UNC13B: variants seen among roughly 807,000 people sequenced by gnomAD.
The protein encoded by UNC13B is unc-13 homolog B.
In UNC13B, 144 loss-of-function variants were observed where a neutral mutation model predicts 211.0. The ratio of observed to expected loss-of-function variants is 0.68; its 90% CI spans 0.60 to 0.78. UNC13B has a LOEUF of 0.78. Ranked by LOEUF, UNC13B falls within the 30% of genes least tolerant of loss-of-function variation. The pLI is 0.00. For missense variants in UNC13B, 1,777 were observed against 2,002.0 expected (o/e 0.89, Z 2.14); for synonymous variants, 709 against 725.8 (o/e 0.98, Z 0.37).
At position 35,363,007 on chromosome 9, in the gene UNC13B, T is replaced by C. The variant is rs1164441508; in HGVS notation, c.9415-3940T>C. Among the ~76,000 whole-genome samples the C allele has an allele frequency of 4.6e-5, 7 of 152,114 alleles. No homozygotes were observed. In the East Asian group the frequency reaches 1.4e-3, roughly 29 times the overall value. On this transcript the variant is annotated intron_variant, in intron 11 of 39. Transcript: ENST00000635942. Reference sequence around the variant, plus strand: ...CCTTGGAGGAAGAGTTGGATTTTCCTCTATGGAAAGGAGGTGTGAGATGCT... The same window carrying C: ...CCTTGGAGGAAGAGTTGGATTTTCCCCTATGGAAAGGAGGTGTGAGATGCT...
chr9:35,250,424 T>C (rs141513689), intron 6 of UNC13B, among the ~76,000 whole-genome samples: 2 of 152,348 alleles, frequency 1.3e-5, no homozygotes, highest in East Asian at 3.9e-4. Context: ...TTATATAACA[T>C]GTGGTCCTTT....
Position 35,295,912 on chromosome 9 carries a change from C to G in UNC13B, c.743C>G (p.Pro248Arg). ...DSMQSYDLDYPERRAIRYAQK... is the reference protein window; with the variant it reads ...DSMQSYDLDYRERRAIRYAQK... ...ATGCAAAGTTATGACCTTGATTATC[C>G]AGAGCGGCGGGCTATCAGGTGGGTA... is the stretch of plus-strand genomic sequence containing the variant. Residue 248 changes from proline (P) to arginine (R), a missense_variant, in exon 8 of 40, where the codon CCA becomes CGA. Physicochemically the swap from Pro to Arg is moderately radical, Grantham distance 103. Coordinates refer to ENST00000635942, the MANE Select transcript of UNC13B (RefSeq NM_001371189.2). 1 of 1,611,230 alleles carries G rather than the reference C, an allele frequency of 6.2e-7. No individual in the cohort carries two copies. The highest frequency in any genetic ancestry group is 1.1e-5 in the South Asian group (1 of 90,548).
intron 2 of UNC13B, among the ~76,000 whole-genome samples, chr9:35,230,470 C>CAAAAAAAAAAAAAA: frequency 2.0e-5 from 1 of 50,330 alleles, no homozygotes. Context: ...GACTCTGTCT[C>CAAAAAAAAAAAAAA]AAAAAAAAAA....
rs1196414976 is a variant in UNC13B at position 35,243,331 on chromosome 9, G to A, written c.435G>A (p.Trp145Ter). 1.2e-6 allele frequency: 2 copies of A among 1,613,450 alleles called. No homozygotes were observed. Among genetic ancestry groups the A allele is most frequent in the Non-Finnish European group, 1.7e-6 (2 of 1,179,588 alleles). Residue 145 changes from tryptophan to a stop codon, truncating the protein, a stop_gained, in exon 6 of 40, where the codon TGG becomes TGA. Transcript: ENST00000635942. LOFTEE classifies it high-confidence loss of function. ...AAGCCAGATATTGGACCTACAAATG[G>A]GAGCAAATCAATGCCTTGGGAGCTG... ...EEEARYWTYK[W>*]EQINALGADN...
chr9:35,245,200 A>G (rs1234064436), intron 6 of UNC13B, among the ~76,000 whole-genome samples: 1 of 152,194 alleles, frequency 6.6e-6, no homozygotes, highest in Non-Finnish European at 1.5e-5. Context: ...CTGTGTCATT[A>G]TACAGAATCA....
At chr9:35,180,433 G>A (rs1233868144) in intron 1 of UNC13B, among the ~76,000 whole-genome samples, 1 of 151,858 alleles carries the variant, frequency 6.6e-6, no homozygotes, top group African/African-American at 2.4e-5. Flanking sequence ...TGCAAGTTTA[G>A]TTTTGCTTAT....
rs542569719 is a variant in UNC13B at position 35,183,929 on chromosome 9, G to A, written c.22+21624G>A. The stretch of plus-strand genomic sequence containing the variant: ...CTCCTCGCCTCCAAGACGGGGTGGC[G>A]GCAGGGCATAGGTGCTCCTCACCAC... On this transcript the variant is annotated intron_variant, in intron 1 of 39. Coordinates refer to ENST00000635942, the MANE Select transcript of UNC13B (RefSeq NM_001371189.2). 3.5e-5 allele frequency among the ~76,000 whole-genome samples: 5 copies of A among 144,898 alleles called. No homozygotes were observed. In the East Asian group the frequency reaches 6.4e-4, roughly 18 times the overall value.
intron 11 of UNC13B, among the ~76,000 whole-genome samples, chr9:35,356,498 C>T (rs2132094153): frequency 6.6e-6 from 1 of 152,100 alleles, no homozygotes; most frequent in East Asian, 1.9e-4. Flanking sequence ...ATTAGATGTC[C>T]ACCATATTGC....
chr9:35,193,657 C>CAAAAAAAAAAAA, intron 1 of UNC13B, among the ~76,000 whole-genome samples: 1 of 56,184 alleles, frequency 1.8e-5, no homozygotes, highest in Non-Finnish European at 4.1e-5. Context: ...GACTCCGTCT[C>CAAAAAAAAAAAA]AAAAAAAAAA....
At chr9:35,370,813 A>C (rs1327010250) in intron 13 of UNC13B, among the ~76,000 whole-genome samples, 7 of 152,216 alleles carry the variant, frequency 4.6e-5, no homozygotes, top group Admixed American at 4.6e-4. Flanking sequence ...GTCAAGCAAA[A>C]GTCTCTTCTC....
chr9:35,244,398 A>G (rs1323371807), intron 6 of UNC13B, among the ~76,000 whole-genome samples: 5 of 152,142 alleles, frequency 3.3e-5, no homozygotes, highest in African/African-American at 4.8e-5. Context: ...TTTGTTTCCT[A>G]CAGCTGCCAT....
intron 1 of UNC13B, among the ~76,000 whole-genome samples, chr9:35,173,060 C>T (rs1338518695): frequency 2.0e-5 from 3 of 152,218 alleles, no homozygotes; most frequent in African/African-American, 7.2e-5. Flanking sequence ...ATTTCTATAG[C>T]GTTTCATTGT....
chr9:35,328,659 CCTT>C (rs1564139541), intron 11 of UNC13B, among the ~76,000 whole-genome samples: 16 of 106,590 alleles, frequency 1.5e-4, no homozygotes, highest in African/African-American at 4.6e-4. Context: ...TTCCTTCCTT[CCTT>C]CCTCCCTCCC....
At chr9:35,334,790 A>G (rs747425917) in intron 11 of UNC13B, among the ~76,000 whole-genome samples, 3 of 152,176 alleles carry the variant, frequency 2.0e-5, no homozygotes, top group Non-Finnish European at 2.9e-5. Flanking sequence ...TAATCCCAGC[A>G]CTTTGGGAGG....
chr9:35,215,820 C>T (rs1246692074), intron 1 of UNC13B, among the ~76,000 whole-genome samples: 1 of 152,152 alleles, frequency 6.6e-6, no homozygotes, highest in East Asian at 1.9e-4. Context: ...CTGTTAGTAT[C>T]TTCTGATTCC....
At chr9:35,206,872 CAAAAA>C (rs35378310) in intron 1 of UNC13B, among the ~76,000 whole-genome samples, 4 of 113,138 alleles carry the variant, frequency 3.5e-5, no homozygotes, top group Admixed American at 1.8e-4. Flanking sequence ...GACTCCATCT[CAAAAA>C]AAAAAAAAAA....
At chr9:35,169,596 C>T (rs1434020034) in intron 1 of UNC13B, among the ~76,000 whole-genome samples, 1 of 152,122 alleles carries the variant, frequency 6.6e-6, no homozygotes, top group East Asian at 1.9e-4. Context: ...TTTTGCTGGG[C>T]TTCCATCGAT....
At chr9:35,270,520 A>C (rs181795974) in intron 7 of UNC13B, among the ~76,000 whole-genome samples, 70 of 152,284 alleles carry the variant, frequency 4.6e-4, no homozygotes, top group Middle Eastern at 3.4e-3. Flanking sequence ...TACACAAACA[A>C]ATTTTAGGAT....
At chr9:35,168,703 CTT>C (rs34612376) in intron 1 of UNC13B, among the ~76,000 whole-genome samples, 49 of 135,750 alleles carry the variant, frequency 3.6e-4, no homozygotes, top group Admixed American at 4.5e-4. Flanking sequence ...GTATTACTTG[CTT>C]TTTTTTTTTT....
Sources: allele counts gnomAD v4.1 joint callset (sites outside exome capture counted in the v4.1 genomes callset), GRCh38; gene constraint gnomAD v4.1.1; transcripts MANE v1.5; gene names NCBI Gene and HGNC (gene_info 2026-07-23, HGNC 2026-07-21).